The following TBX1 variants were observed in gnomAD, a reference collection of about 807,000 sequenced individuals.
The protein encoded by TBX1 is T-box transcription factor 1, also known as T-box transcription factor TBX1.
In TBX1, 16 loss-of-function variants were observed where a neutral mutation model predicts 40.8. That is an observed-to-expected ratio of 0.39 (90% CI 0.27 to 0.60). TBX1 has a LOEUF of 0.60. Ranked by LOEUF, TBX1 falls within the 20% of genes least tolerant of loss-of-function variation. The pLI, the probability that TBX1 is intolerant of heterozygous loss-of-function variation, is 0.51. For missense variants in TBX1, 755 were observed against 728.5 expected (o/e 1.04, Z -0.42); for synonymous variants, 403 against 336.8 (o/e 1.20, Z -2.15).
rs1210320819 is a variant in TBX1, at chr22:19,779,327, C to A, written c.1117C>A (p.Leu373Ile). ...TGCAGGTGGCTGTGTGAACCTGGGG[C>A]TCCCCTGCCCCGCAGAGTGCCAACC... The change falls in exon 9 of 9, where the codon CTC becomes ATC. Residue 373 changes from leucine to isoleucine, a missense_variant. By Grantham distance (5) the Leu-to-Ile change is conservative (BLOSUM62 2). Transcript: ENST00000329705. 4 of 1,614,130 alleles carry A rather than the reference C, an allele frequency of 2.5e-6. No individual in the cohort carries two copies. In the African/African-American group the frequency reaches 5.3e-5, roughly 22 times the overall value.
chr22:19,779,196 T>A, intron 8 of TBX1: 9 of 1,613,090 alleles, frequency 5.6e-6, no homozygotes, highest in Non-Finnish European at 7.6e-6. Context: ...TCATCCACTC[T>A]CATTGGATGG....
At chr22:19,777,341 G>A (rs1937081761) in intron 8 of TBX1, among the ~76,000 whole-genome samples, 1 of 152,092 alleles carries the variant, frequency 6.6e-6, no homozygotes, top group African/African-American at 2.4e-5. Context: ...ATAGTTTGCT[G>A]AGAATGATGG....
downstream of TBX1, among the ~76,000 whole-genome samples, chr22:19,768,570 T>TC (rs1936930232): frequency 6.6e-6 from 1 of 152,102 alleles, no homozygotes; most frequent in Admixed American, 6.5e-5. Flanking sequence ...CATTCCCAAG[T>TC]CCTGATCCCC....
downstream of TBX1, among the ~76,000 whole-genome samples, chr22:19,782,302 CATTT>C (rs1937150013): frequency 6.6e-6 from 1 of 152,046 alleles, no homozygotes; most frequent in South Asian, 2.1e-4. Flanking sequence ...GATGTATTTC[CATTT>C]ATTTATGTTT....
chr22:19,759,198 C>A (rs1157445111), upstream of TBX1, among the ~76,000 whole-genome samples: 1 of 152,174 alleles, frequency 6.6e-6, no homozygotes, highest in Non-Finnish European at 1.5e-5. Flanking sequence ...GCAGGAGCAA[C>A]GGGATGTTCA....
At chr22:19,773,767 G>A (rs1005061500) in intron 8 of TBX1, among the ~76,000 whole-genome samples, 1 of 152,230 alleles carries the variant, frequency 6.6e-6, no homozygotes, top group African/African-American at 2.4e-5. Context: ...GCCAGGAGGG[G>A]AGTGGTCTCA....
chr22:19,760,616 G>A (rs1395941476), upstream of TBX1, among the ~76,000 whole-genome samples: 77 of 116,920 alleles, frequency 6.6e-4, no homozygotes, highest in African/African-American at 2.1e-3. Flanking sequence ...GCCGGGGAGG[G>A]GGAAGGGGCG....
upstream of TBX1, among the ~76,000 whole-genome samples, chr22:19,758,929 G>A (rs549888507): frequency 6.6e-4 from 100 of 152,302 alleles, no homozygotes; most frequent in Non-Finnish European, 1.0e-3. Flanking sequence ...AGGACGCTGC[G>A]GCCCTGGGGC....
downstream of TBX1, among the ~76,000 whole-genome samples, chr22:19,782,375 T>C (rs1937150690): frequency 6.6e-6 from 1 of 152,250 alleles, no homozygotes; most frequent in African/African-American, 2.4e-5. Flanking sequence ...CCTCCCTAGT[T>C]AAGCTAATTC....
rs72646965 is a variant in TBX1 at position 19,766,306 on chromosome 22, C to T, written c.1037-83C>T. 19,231 of 1,217,210 alleles carry T rather than the reference C, an allele frequency of 0.016. 238 individuals are homozygous for T. Among genetic ancestry groups the T allele is most frequent in the East Asian group, 0.046 (1,314 of 28,564 alleles). The allele number at this position is 1,217,210 out of a possible 1,614,324, so 75.4% of individuals were successfully genotyped here. A position where few individuals can be genotyped will look rare whatever the true frequency, so the allele number is the denominator to read the frequency against. ...AACACCGAGGGCGGCCAAGAGCCTT[C>T]TCTCCGCCAGGGCCTCGCATGGGGC... On this transcript the variant is annotated intron_variant, in intron 6 of 6. Transcript: ENST00000649276.
Position 19,778,439 on chromosome 22 carries a change from C to CTTT in TBX1, c.1010-771_1010-769dup, listed in dbSNP as rs111819861. 8.1e-3 allele frequency among the ~76,000 whole-genome samples: 1,169 copies of CTTT among 143,982 alleles called. 12 individuals carry two copies. Among genetic ancestry groups the CTTT allele is most frequent in the South Asian group, 0.016 (74 of 4,534 alleles). 94.5% of individuals were successfully genotyped at this position (143,982 alleles called of 152,430 possible). On this transcript the variant is annotated intron_variant, in intron 8 of 8. Transcript: ENST00000329705. ...TCTTTTCTTTCTTTCTTTTCTTCTT[C>CTTT]TTTTTTTTTTTTGAGACGGAGTTTC...
At chr22:19,781,035 G>T (rs374871654), downstream of TBX1, among the ~76,000 whole-genome samples, 184 of 152,216 alleles carry the variant, frequency 1.2e-3, no homozygotes, top group African/African-American at 4.2e-3. Context: ...ACCCGCCTCA[G>T]CCTCCCAAAG....
downstream of TBX1, among the ~76,000 whole-genome samples, chr22:19,768,953 CTTTTTTTT>C (rs36085623): frequency 0.03 from 1,982 of 66,170 alleles, 91 homozygotes; most frequent in African/African-American, 0.086. Flanking sequence ...TGTTCGCATT[CTTTTTTTT>C]TTTTTTTTTT....
At chr22:19,759,586 G>C, upstream of TBX1, 1 of 1,603,546 alleles carries the variant, frequency 6.2e-7, no homozygotes, top group South Asian at 1.1e-5. Context: ...CCGCCCACCA[G>C]GGCTCAGGGT....
chr22:19,765,839 CCCG>C lies in TBX1; in HGVS notation c.935+15_935+17del. ...CCCTGAGGACTGGTGAGTGTCCTCC[CCCG>C]AGAGAGTGAGCGCCGGGCGCCTGGC... On this transcript the variant is annotated intron_variant, in intron 5 of 6. Transcript: ENST00000649276. 2 of 1,596,842 alleles carry C rather than the reference CCCG, an allele frequency of 1.3e-6. No individual in the cohort carries two copies. The highest frequency in any genetic ancestry group is 2.3e-5 in the South Asian group (2 of 88,728).
At chr22:19,763,747 A>T in intron 2 of TBX1, 2 of 394,832 alleles carry the variant, frequency 5.1e-6, no homozygotes, top group South Asian at 5.9e-5. Flanking sequence ...AGGAGAGATT[A>T]TGCAGGGCGG....
intron 4 of TBX1, 95 bp from the exon 5 acceptor site, chr22:19,765,663 G>C: frequency 1.4e-6 from 2 of 1,380,010 alleles, no homozygotes; most frequent in Non-Finnish European, 2.0e-6. Flanking sequence ...AAAGGCCCTT[G>C]GTGCGCTTCT....
chr22:19,774,955 A>C (rs1332066173), intron 8 of TBX1, among the ~76,000 whole-genome samples: 1 of 152,104 alleles, frequency 6.6e-6, no homozygotes, highest in African/African-American at 2.4e-5. Flanking sequence ...CACATTCTTT[A>C]TTTTTTGTAG....
chr22:19,757,295 C>T (rs1253930205), upstream of TBX1, among the ~76,000 whole-genome samples: 2 of 152,194 alleles, frequency 1.3e-5, no homozygotes, highest in Non-Finnish European at 2.9e-5. Flanking sequence ...GCAGGTCCTG[C>T]TCAGGCACGA....
Sources: gnomAD v4.1 joint callset for allele counts (sites outside exome capture counted in the v4.1 genomes callset) on GRCh38, gnomAD v4.1.1 for gene constraint, MANE v1.5 for transcripts, NCBI Gene and HGNC (gene_info 2026-07-23, HGNC 2026-07-21) for gene names.